The following MAP3K13 variants were observed in gnomAD, a reference collection of about 807,000 sequenced individuals.
MAP3K13 encodes the protein mitogen-activated protein kinase kinase kinase 13.
MAP3K13 carries 52 observed loss-of-function variants against 104.0 expected under a neutral mutation model. The ratio of observed to expected loss-of-function variants is 0.50; its 90% CI spans 0.40 to 0.63. The LOEUF is 0.63. Among genes scored for constraint, MAP3K13 ranks in the 20% least tolerant of loss-of-function variants. The probability of loss-of-function intolerance (pLI) is 0.00; values close to 1 mark genes in which losing one functional copy is unlikely to be tolerated. For missense variants in MAP3K13, 914 were observed against 1,218.5 expected, an observed-to-expected ratio of 0.75 and a Z score of 3.72; for synonymous variants, 394 against 442.2, an observed-to-expected ratio of 0.89 and a Z score of 1.37.
At chr3:185,351,691 G>C (rs532172626) in intron 2 of MAP3K13, among the ~76,000 whole-genome samples, 1 of 152,166 alleles carries the variant, frequency 6.6e-6, no homozygotes, top group East Asian at 1.9e-4. Flanking sequence ...AGAATGTCTA[G>C]AGCAATCATT....
intron 2 of MAP3K13, among the ~76,000 whole-genome samples, chr3:185,330,870 C>A (rs544614032): frequency 6.6e-6 from 1 of 152,242 alleles, no homozygotes; most frequent in South Asian, 2.1e-4. Context: ...GTTGCTCTAG[C>A]TACAAAGGTG....
At chr3:185,416,070 C>T (rs548243583) in intron 1 of MAP3K13, among the ~76,000 whole-genome samples, 3 of 152,224 alleles carry the variant, frequency 2.0e-5, no homozygotes, top group African/African-American at 4.8e-5. Flanking sequence ...ATTTTTGTCT[C>T]CTATTTTCCA....
chr3:185,444,161 C>G (rs1430812754), intron 4 of MAP3K13, among the ~76,000 whole-genome samples: 3 of 151,870 alleles, frequency 2.0e-5, no homozygotes, highest in Non-Finnish European at 4.4e-5. Context: ...GTGGTGAAAC[C>G]CTGTCTCTAC....
At chr3:185,420,702 T>A (rs1291656811) in intron 1 of MAP3K13, among the ~76,000 whole-genome samples, 4 of 152,242 alleles carry the variant, frequency 2.6e-5, no homozygotes, top group Non-Finnish European at 5.9e-5. Flanking sequence ...GGGGCTAAAT[T>A]GTCCAAAATC....
chr3:185,385,868 T>C (rs1230945108), intron 1 of MAP3K13, among the ~76,000 whole-genome samples: 1 of 152,000 alleles, frequency 6.6e-6, no homozygotes, highest in Non-Finnish European at 1.5e-5. Flanking sequence ...CCAGTCGTGG[T>C]GGTGGGTGCC....
chr3:185,462,461 T>C (rs1366794111), intron 7 of MAP3K13, among the ~76,000 whole-genome samples: 3 of 152,172 alleles, frequency 2.0e-5, no homozygotes, highest in Admixed American at 2.0e-4. Context: ...AAACATTCAA[T>C]TCAGCACCTT....
rs765812365 is a variant in MAP3K13 at position 185,428,901 on chromosome 3, G to A, written c.320G>A (p.Gly107Glu). 16 of 1,614,192 alleles carry A rather than the reference G, an allele frequency of 9.9e-6. No individual in the cohort carries two copies. In the East Asian group the frequency reaches 1.8e-4, roughly 18 times the overall value. Residue 107 changes from glycine to glutamate, a missense_variant, in exon 2 of 14, where the codon GGA becomes GAA. By Grantham distance (98) the Gly-to-Glu change is moderately conservative. This residue lies in a region of MAP3K13 where 156 missense variants were observed against 159.8 expected (regional missense o/e 0.98). Coordinates refer to ENST00000265026, the MANE Select transcript of MAP3K13 (RefSeq NM_004721.5). Reference sequence around the variant, plus strand: ...CAGGGGAACAGCAACACGGTGGACGGAGAGAGCACAAGCGGAACTGAAGAC... The same window carrying A: ...CAGGGGAACAGCAACACGGTGGACGAAGAGAGCACAAGCGGAACTGAAGAC... ...VSQGNSNTVDGESTSGTEDIK... is the reference protein window; with the variant it reads ...VSQGNSNTVDEESTSGTEDIK...
chr3:185,482,361 A>G lies in MAP3K13; in HGVS notation c.2806A>G (p.Met936Val), dbSNP rs1450874055. ...CVEERGYENP[M>V]QFEESDCDSS... Reference sequence around the variant, plus strand: ...TTTTGTCTTGCCTTTGCAGAACCCCATGCAGTTTGAAGAATCGGACTGTGA... The same window carrying G: ...TTTTGTCTTGCCTTTGCAGAACCCCGTGCAGTTTGAAGAATCGGACTGTGA... Residue 936 changes from methionine (M) to valine (V), a missense_variant, in exon 14 of 14, where the codon ATG (methionine) becomes GTG (valine). By Grantham distance (21) the Met-to-Val change is conservative (BLOSUM62 1). Coordinates refer to ENST00000265026, the MANE Select transcript of MAP3K13 (RefSeq NM_004721.5). The surrounding 1 kb of genome is among the most constrained non-coding windows in gnomAD (Gnocchi z 4.5). The G allele has an allele frequency of 6.2e-7, 1 of 1,613,130 alleles. No individual in the cohort carries two copies. The highest frequency in any genetic ancestry group is 8.5e-7 in the Non-Finnish European group (1 of 1,179,046).
intron 10 of MAP3K13, 120 bp from the exon 11 acceptor site, chr3:185,472,855 T>C: frequency 1.1e-6 from 1 of 919,738 alleles, no homozygotes; most frequent in Non-Finnish European, 1.7e-6. Flanking sequence ...TTATCTCTAT[T>C]GGATAAATCC....
At chr3:185,474,387 T>C (rs1717988821) in intron 11 of MAP3K13, among the ~76,000 whole-genome samples, 1 of 152,100 alleles carries the variant, frequency 6.6e-6, no homozygotes, top group African/African-American at 2.4e-5. Context: ...GTTTGGAAAC[T>C]ACTATGCTAC....
At chr3:185,396,390 T>A (rs966556516) in intron 1 of MAP3K13, among the ~76,000 whole-genome samples, 2 of 140,622 alleles carry the variant, frequency 1.4e-5, no homozygotes, top group African/African-American at 2.7e-5. Context: ...AAATAAATAA[T>A]TAAAAATAGG....
chr3:185,354,613 G>C (rs1042994119), intron 2 of MAP3K13, among the ~76,000 whole-genome samples: 3 of 150,272 alleles, frequency 2.0e-5, no homozygotes, highest in Non-Finnish European at 4.5e-5. Context: ...AAGTATGGGG[G>C]GGGGGCAGGG....
chr3:185,481,801 A>G (rs1187742997), intron 13 of MAP3K13, among the ~76,000 whole-genome samples: 1 of 152,100 alleles, frequency 6.6e-6, no homozygotes, highest in Admixed American at 6.5e-5. Context: ...TAAAGTACTT[A>G]CCACCGGGCG....
At chr3:185,449,797 A>T in intron 5 of MAP3K13, 103 bp from the exon 6 acceptor site, 2 of 996,376 alleles carry the variant, frequency 2.0e-6, no homozygotes, top group Non-Finnish European at 2.8e-6. Context: ...TTAGAATTTT[A>T]AAACTGGGTA....
chr3:185,332,805 G>T (rs1722332748), intron 2 of MAP3K13, among the ~76,000 whole-genome samples: 1 of 152,194 alleles, frequency 6.6e-6, no homozygotes, highest in African/African-American at 2.4e-5. Flanking sequence ...TAGATATTTG[G>T]GTTGCTTCTA....
intron 2 of MAP3K13, among the ~76,000 whole-genome samples, chr3:185,310,864 C>A (rs1382197356): frequency 1.3e-5 from 2 of 152,198 alleles, no homozygotes; most frequent in Non-Finnish European, 2.9e-5. Flanking sequence ...TTGTTCAATT[C>A]TGTATTCCTT....
intron 2 of MAP3K13, among the ~76,000 whole-genome samples, chr3:185,356,624 C>G (rs1387445175): frequency 6.6e-6 from 1 of 152,214 alleles, no homozygotes; most frequent in Admixed American, 6.5e-5. Flanking sequence ...CAGCCCCCAC[C>G]CAGCCAATAG....
At chr3:185,376,376 C>A (rs1238198891) in intron 1 of MAP3K13, among the ~76,000 whole-genome samples, 1 of 152,058 alleles carries the variant, frequency 6.6e-6, no homozygotes, top group Non-Finnish European at 1.5e-5. Context: ...ATTTTGAGGG[C>A]CTCTAAAAGT....
At chr3:185,379,705 A>G (rs1724611120) in intron 1 of MAP3K13, among the ~76,000 whole-genome samples, 1 of 152,242 alleles carries the variant, frequency 6.6e-6, no homozygotes, top group Non-Finnish European at 1.5e-5. Flanking sequence ...AAAAGGAGTC[A>G]GCCGGATTTC....
Sources: allele counts gnomAD v4.1 joint callset (sites outside exome capture counted in the v4.1 genomes callset), GRCh38; gene constraint gnomAD v4.1.1; regional missense constraint gnomAD v4.1.1; non-coding constraint Gnocchi (gnomAD v3.1); transcripts MANE v1.5; gene names NCBI Gene and HGNC (gene_info 2026-07-23, HGNC 2026-07-21).